CEP63: variants seen among roughly 807,000 people sequenced by gnomAD.
CEP63 encodes centrosomal protein of 63 kDa.
In CEP63, 84 loss-of-function variants were observed where a neutral mutation model predicts 89.1. The ratio of observed to expected loss-of-function variants is 0.94; its 90% CI spans 0.79 to 1.13. The LOEUF is 1.13. Ranked by LOEUF, CEP63 falls within the 50% of genes most tolerant of loss-of-function variation. CEP63 has a pLI of 0.00. For missense variants in CEP63, 838 were observed against 813.3 expected (o/e 1.03, Z -0.37); for synonymous variants, 267 against 272.5 (o/e 0.98, Z 0.20).
chr3:134,487,846 G>A (rs192713657), intron 1 of CEP63, among the ~76,000 whole-genome samples: 1 of 152,306 alleles, frequency 6.6e-6, no homozygotes, highest in East Asian at 1.9e-4. Flanking sequence ...ACAGGGATCT[G>A]CCTATTGTGT....
chr3:134,557,959 C>T (rs139886945), intron 12 of CEP63, among the ~76,000 whole-genome samples, 183 bp from the exon 13 acceptor site: 58 of 152,238 alleles, frequency 3.8e-4, no homozygotes, highest in African/African-American at 1.3e-3. Context: ...TCTAGTGTTC[C>T]ACTACCATTT....
chr3:134,638,119 C>G, the CEP63 span, among the ~76,000 whole-genome samples: 4 of 152,316 alleles, frequency 2.6e-5, no homozygotes, highest in African/African-American at 9.6e-5. Context: ...GATTCCTGCT[C>G]TCACTTACTG....
At chr3:134,748,703 T>C in the CEP63 span, among the ~76,000 whole-genome samples, 1 of 152,202 alleles carries the variant, frequency 6.6e-6, no homozygotes, top group African/African-American at 2.4e-5. Context: ...TGATGGGCAG[T>C]GCTGAAGTCC....
At chr3:134,760,507 T>C in the CEP63 span, among the ~76,000 whole-genome samples, 2 of 152,334 alleles carry the variant, frequency 1.3e-5, no homozygotes, top group African/African-American at 4.8e-5. Context: ...CTGTGTGGTG[T>C]ATCCACAGAC....
At chr3:134,596,780 C>T in the CEP63 span, among the ~76,000 whole-genome samples, 1 of 152,232 alleles carries the variant, frequency 6.6e-6, no homozygotes, top group African/African-American at 2.4e-5. Context: ...CCTCCAAGTA[C>T]TTCCTGAATC....
the CEP63 span, among the ~76,000 whole-genome samples, chr3:134,781,542 C>T: frequency 1.3e-5 from 2 of 152,136 alleles, no homozygotes; most frequent in African/African-American, 4.8e-5. Flanking sequence ...GCAAGCCTAC[C>T]CATCAGGGTA....
At chr3:134,553,414 T>C (rs1202653680) in intron 12 of CEP63, 2 of 152,110 alleles carry the variant, frequency 1.3e-5, no homozygotes, top group Admixed American at 6.6e-5. Flanking sequence ...AAACAGTTTA[T>C]AATCAGACAA....
Position 134,540,948 on chromosome 3 carries a change from A to G in CEP63, c.555+3680A>G, listed in dbSNP as rs552280930. Among the ~76,000 whole-genome samples the G allele has an allele frequency of 2.6e-4, 40 of 151,806 alleles. No individual in the cohort carries two copies. The South Asian group carries it at 7.9e-3, about 30-fold the overall frequency. ...AGGTGCTCACCACCACGCTCAGCTA[A>G]TTTTTGTATTTTCAGTAGAGACAGG... On this transcript the variant is annotated intron_variant, in intron 6 of 14. Transcript: ENST00000675561.
chr3:134,602,572 G>A, the CEP63 span, among the ~76,000 whole-genome samples: 2,466 of 152,250 alleles, frequency 0.016, 56 homozygotes, highest in African/African-American at 0.055. Flanking sequence ...GAGTCTCCTC[G>A]GCATTGCCGC....
the CEP63 span, among the ~76,000 whole-genome samples, chr3:134,596,970 G>A: frequency 1.3e-5 from 2 of 152,182 alleles, no homozygotes; most frequent in Admixed American, 6.5e-5. Flanking sequence ...AGGAAAAGAC[G>A]TCCTGGCTAG....
At chr3:134,595,934 T>C in the CEP63 span, among the ~76,000 whole-genome samples, 1 of 152,220 alleles carries the variant, frequency 6.6e-6, no homozygotes, top group South Asian at 2.1e-4. Context: ...CAGGCTTTGC[T>C]GTAGAAGATG....
chr3:134,651,818 C>T, the CEP63 span, among the ~76,000 whole-genome samples: 10 of 152,264 alleles, frequency 6.6e-5, no homozygotes, highest in East Asian at 1.9e-3. Context: ...CTATTTTTAG[C>T]CCGGCCTGGC....
chr3:134,700,805 C>T, the CEP63 span, among the ~76,000 whole-genome samples: 6 of 152,042 alleles, frequency 3.9e-5, no homozygotes, highest in Non-Finnish European at 8.8e-5. Context: ...CCCCACTTGC[C>T]CCCTGCCTTC....
the CEP63 span, among the ~76,000 whole-genome samples, chr3:134,635,390 G>A: frequency 2.0e-5 from 3 of 151,398 alleles, no homozygotes; most frequent in African/African-American, 4.9e-5. Flanking sequence ...CCAGCTACTC[G>A]GGAGGCTGAG....
chr3:134,775,494 C>G, the CEP63 span, among the ~76,000 whole-genome samples: 2 of 152,166 alleles, frequency 1.3e-5, no homozygotes, highest in African/African-American at 4.8e-5. Context: ...GCCCATTTGG[C>G]CAAAGGCAAT....
Position 134,550,099 on chromosome 3 carries a change from A to G in CEP63, c.1219A>G (p.Ser407Gly), listed in dbSNP as rs1026945452. ...GATTTTACAGGGTGAACAAAGTTACAGTTCTGCACTAGAAGGAATGAAGAT... is the reference window on the plus strand; with the variant it reads ...GATTTTACAGGGTGAACAAAGTTACGGTTCTGCACTAGAAGGAATGAAGAT... The part of the protein sequence containing the change: ...EQILQGEQSY[S>G]SALEGMKMEI... The change falls in exon 11 of 15, where the codon AGT (serine) becomes GGT (glycine). Residue 407 changes from serine to glycine, a missense_variant. Physicochemically the swap from Ser to Gly is moderately conservative, Grantham distance 56. Transcript: ENST00000675561. The G allele has an allele frequency of 7.4e-6, 12 of 1,613,782 alleles. No individual in the cohort carries two copies. The Admixed American group carries it at 1.7e-4, about 22-fold the overall frequency.
chr3:134,545,460 A>G, intron 6 of CEP63, 126 bp from the exon 7 acceptor site: 2 of 732,544 alleles, frequency 2.7e-6, no homozygotes, highest in Admixed American at 2.2e-5. Context: ...TTCGCAATAT[A>G]TATATATATA....
At chr3:134,755,242 GCC>G in the CEP63 span, among the ~76,000 whole-genome samples, 1 of 151,622 alleles carries the variant, frequency 6.6e-6, no homozygotes, top group African/African-American at 2.4e-5. Flanking sequence ...TGAGCCCTGA[GCC>G]CTGAGCCCTG....
the CEP63 span, among the ~76,000 whole-genome samples, chr3:134,601,449 A>C: frequency 6.6e-6 from 1 of 152,256 alleles, no homozygotes; most frequent in East Asian, 1.9e-4. Flanking sequence ...CGCGGGGTCC[A>C]GTGAGTGACA....
Sources: allele counts gnomAD v4.1 joint callset (sites outside exome capture counted in the v4.1 genomes callset), GRCh38; gene constraint gnomAD v4.1.1; transcripts MANE v1.5; gene names NCBI Gene and HGNC (gene_info 2026-07-23, HGNC 2026-07-21).